The following UNC5D variants were observed in gnomAD, a reference collection of about 807,000 sequenced individuals.
UNC5D encodes unc-5 netrin receptor D.
Under a neutral mutation model 105.4 loss-of-function variants are expected in UNC5D, and 39 were observed. That is an observed-to-expected ratio of 0.37 (90% CI 0.29 to 0.48). The LOEUF (loss-of-function observed/expected upper bound fraction) is 0.48. Among genes scored for constraint, UNC5D ranks in the 20% least tolerant of loss-of-function variants. The probability of loss-of-function intolerance (pLI) is 0.98; values close to 1 mark genes in which losing one functional copy is unlikely to be tolerated. For synonymous variants in UNC5D, 452 were observed against 450.4 expected, an observed-to-expected ratio of 1.00 and a Z score of -0.04; for missense variants, 991 against 1,202.4, an observed-to-expected ratio of 0.82 and a Z score of 2.60.
intron 1 of UNC5D, among the ~76,000 whole-genome samples, chr8:35,380,407 A>C (rs1256687022): frequency 1.3e-5 from 2 of 152,230 alleles, no homozygotes; most frequent in East Asian, 3.9e-4. Context: ...GGGGGCATGC[A>C]GCATTCAGTA....
chr8:35,396,134 T>A (rs1477985939), intron 1 of UNC5D, among the ~76,000 whole-genome samples: 1 of 152,132 alleles, frequency 6.6e-6, no homozygotes, highest in Non-Finnish European at 1.5e-5. Flanking sequence ...GCCCCTTTTG[T>A]TTAACCTCCT....
At chr8:35,532,681 C>T (rs1383315004) in intron 1 of UNC5D, among the ~76,000 whole-genome samples, 1 of 67,958 alleles carries the variant, frequency 1.5e-5, no homozygotes, top group Non-Finnish European at 2.7e-5. Flanking sequence ...CTTTCAGGTA[C>T]ACCAATCAGA....
At chr8:35,371,149 G>A (rs867092798) in intron 1 of UNC5D, among the ~76,000 whole-genome samples, 1 of 151,038 alleles carries the variant, frequency 6.6e-6, no homozygotes, top group Non-Finnish European at 1.5e-5. Context: ...GGAGCTCAAG[G>A]TTGCAGTGAG....
chr8:35,419,907 C>T (rs928657713), intron 1 of UNC5D, among the ~76,000 whole-genome samples: 1 of 152,068 alleles, frequency 6.6e-6, no homozygotes, highest in South Asian at 2.1e-4. Context: ...CAATAGAAGA[C>T]CCAAATTGAG....
rs184001795 is a variant in UNC5D at position 35,652,884 on chromosome 8, T to G, written c.571-30663T>G. On this transcript the variant is annotated intron_variant, in intron 4 of 16. Transcript: ENST00000404895. The stretch of plus-strand genomic sequence containing the variant: ...TCCAACTTTTAAGATCCTCTTGTCT[T>G]TGGTGGTCTTCATTTTCACTACAAG... Among the ~76,000 whole-genome samples the G allele has an allele frequency of 2.2e-3, 331 of 151,428 alleles. 3 individuals carry two copies. Among genetic ancestry groups the G allele is most frequent in the African/African-American group, 7.2e-3 (295 of 41,216 alleles).
At chr8:35,604,645 G>C (rs1228855426) in intron 4 of UNC5D, among the ~76,000 whole-genome samples, 1 of 152,154 alleles carries the variant, frequency 6.6e-6, no homozygotes, top group Non-Finnish European at 1.5e-5. Flanking sequence ...GTGTTTTCCA[G>C]CTTGGTTCCA....
chr8:35,642,439 A>AT lies in UNC5D; in HGVS notation c.571-41100dup, dbSNP rs1039729372. On this transcript the variant is annotated intron_variant, in intron 4 of 16. Transcript: ENST00000404895. ...AAACAAATAGCAACAACATGATACA[A>AT]TTTTTTTTAGAGGTTTTTCTGTCCT... is the stretch of plus-strand genomic sequence containing the variant. Among the ~76,000 whole-genome samples, 5 of 151,940 alleles carry AT rather than the reference A, an allele frequency of 3.3e-5. No individual in the cohort carries two copies. In the East Asian group the frequency reaches 5.8e-4, roughly 18 times the overall value.
Position 35,278,221 on chromosome 8 carries a change from A to G in UNC5D, c.103+42334A>G, listed in dbSNP as rs1585478882. On this transcript the variant is annotated intron_variant, in intron 1 of 16. Transcript: ENST00000404895. Reference sequence around the variant, plus strand: ...CTGTGCCGCCCAGATGCACTGGGAAAGTCACGTGTGCTTCCGGCTGCCCTC... The same window carrying G: ...CTGTGCCGCCCAGATGCACTGGGAAGGTCACGTGTGCTTCCGGCTGCCCTC... Among the ~76,000 whole-genome samples, 4 of 152,230 alleles carry G rather than the reference A, an allele frequency of 2.6e-5. No homozygotes were observed. In the East Asian group the frequency reaches 7.7e-4, roughly 29 times the overall value.
chr8:35,425,362 G>A (rs1563405567), intron 1 of UNC5D, among the ~76,000 whole-genome samples: 1 of 152,088 alleles, frequency 6.6e-6, no homozygotes, highest in Non-Finnish European at 1.5e-5. Flanking sequence ...TTCAGTCCCT[G>A]GCTAAAGACA....
At chr8:35,743,423 C>A (rs1392305914) in intron 11 of UNC5D, among the ~76,000 whole-genome samples, 1 of 151,754 alleles carries the variant, frequency 6.6e-6, no homozygotes. Flanking sequence ...GCATGCACCA[C>A]CACGCCTGAC....
chr8:35,394,628 G>A (rs1170609350), intron 1 of UNC5D, among the ~76,000 whole-genome samples: 1 of 151,448 alleles, frequency 6.6e-6, no homozygotes, highest in Non-Finnish European at 1.5e-5. Flanking sequence ...GTGAATTTAT[G>A]GTATATAAAA....
chr8:35,344,383 C>G (rs1390583956), intron 1 of UNC5D, among the ~76,000 whole-genome samples: 1 of 152,020 alleles, frequency 6.6e-6, no homozygotes, highest in African/African-American at 2.4e-5. Flanking sequence ...ATTTAGCCCT[C>G]CTCTATATCT....
chr8:35,441,846 A>G (rs116641344), intron 1 of UNC5D, among the ~76,000 whole-genome samples: 2,646 of 151,710 alleles, frequency 0.017, 90 homozygotes, highest in African/African-American at 0.061. Context: ...ACCATTATTC[A>G]TCTAATAAGA....
chr8:35,301,128 T>A (rs1217085640), intron 1 of UNC5D, among the ~76,000 whole-genome samples: 3 of 152,140 alleles, frequency 2.0e-5, no homozygotes, highest in African/African-American at 7.2e-5. Context: ...AAGAAATTAC[T>A]GATTCCAGAG....
At chr8:35,363,527 G>C (rs1205307008) in intron 1 of UNC5D, among the ~76,000 whole-genome samples, 1 of 152,026 alleles carries the variant, frequency 6.6e-6, no homozygotes, top group Admixed American at 6.6e-5. Context: ...GGGCATCTCT[G>C]GTATTTCTTC....
intron 1 of UNC5D, among the ~76,000 whole-genome samples, chr8:35,314,586 T>G (rs1448256178): frequency 6.6e-6 from 1 of 152,162 alleles, no homozygotes; most frequent in African/African-American, 2.4e-5. Flanking sequence ...ATCATCTAAT[T>G]TATTTAAAAA....
intron 1 of UNC5D, among the ~76,000 whole-genome samples, chr8:35,485,059 C>T (rs555435462): frequency 2.6e-5 from 4 of 152,182 alleles, no homozygotes; most frequent in Non-Finnish European, 5.9e-5. Context: ...CTCTAACTCA[C>T]TAGCATAATA....
Position 35,367,588 on chromosome 8 carries a change from A to G in UNC5D, c.103+131701A>G, listed in dbSNP as rs557412857. ...TATTGAACATGCATATCTCAACTGT[A>G]TAAACCCTCAAATACTTCACTTCTG... On this transcript the variant is annotated intron_variant, in intron 1 of 16. Transcript: ENST00000404895. Among the ~76,000 whole-genome samples the G allele has an allele frequency of 4.0e-3, 609 of 152,344 alleles. 4 individuals are homozygous for G. Among genetic ancestry groups the G allele is most frequent in the Non-Finnish European group, 6.2e-3 (425 of 68,040 alleles).
Position 35,498,127 on chromosome 8 carries a change from G to C in UNC5D, c.104-51165G>C, listed in dbSNP as rs190970816. Among the ~76,000 whole-genome samples, 399 of 147,856 alleles carry C rather than the reference G, an allele frequency of 2.7e-3. 2 individuals are homozygous for C. Among genetic ancestry groups the C allele is most frequent in the Non-Finnish European group, 4.1e-3 (273 of 67,358 alleles). On this transcript the variant is annotated intron_variant, in intron 1 of 16. Coordinates refer to ENST00000404895, the MANE Select transcript of UNC5D (RefSeq NM_080872.4). ...AAAAAAAAAAGCGGGGGAGAGTCAG[G>C]AGCAAAGTGAAGAGAATATTTCAAG... is the stretch of plus-strand genomic sequence containing the variant.
Sources: allele counts gnomAD v4.1 joint callset (sites outside exome capture counted in the v4.1 genomes callset), GRCh38; gene constraint gnomAD v4.1.1; transcripts MANE v1.5; gene names NCBI Gene and HGNC (gene_info 2026-07-23, HGNC 2026-07-21).